Variants in CNTNAP5 observed in about 807,000 individuals in gnomAD.
CNTNAP5 encodes the protein contactin associated protein family member 5.
CNTNAP5 carries 72 observed loss-of-function variants against 150.2 expected under a neutral mutation model. That is an observed-to-expected ratio of 0.48 (90% CI 0.40 to 0.58). The LOEUF is 0.58. Among genes scored for constraint, CNTNAP5 ranks in the 20% least tolerant of loss-of-function variants. CNTNAP5 has a pLI of 0.00. For synonymous variants in CNTNAP5, 672 were observed against 619.8 expected (o/e 1.08, Z -1.25); for missense variants, 1,636 against 1,626.2 (o/e 1.01, Z -0.10).
At chr2:124,841,884 A>G (rs1682951677) in intron 19 of CNTNAP5, among the ~76,000 whole-genome samples, 1 of 152,118 alleles carries the variant, frequency 6.6e-6, no homozygotes, top group African/African-American at 2.4e-5. Flanking sequence ...CAGGTAACAA[A>G]CCACAAATCG....
intron 13 of CNTNAP5, among the ~76,000 whole-genome samples, chr2:124,679,589 G>A (rs540188444): frequency 1.5e-4 from 23 of 150,716 alleles, no homozygotes; most frequent in Admixed American, 2.7e-4. Flanking sequence ...TTTTTGGAGC[G>A]GGGAGTGGGG....
At chr2:124,531,272 G>C (rs892126835) in intron 10 of CNTNAP5, among the ~76,000 whole-genome samples, 1 of 152,134 alleles carries the variant, frequency 6.6e-6, no homozygotes, top group African/African-American at 2.4e-5. Context: ...AGCTTAGGCA[G>C]TAATGTGAGT....
intron 12 of CNTNAP5, among the ~76,000 whole-genome samples, chr2:124,634,904 G>A (rs908199011): frequency 1.3e-5 from 2 of 152,156 alleles, no homozygotes; most frequent in African/African-American, 4.8e-5. Context: ...TCTCTAGGAA[G>A]TTCCAAACTT....
intron 2 of CNTNAP5, among the ~76,000 whole-genome samples, chr2:124,235,057 C>G (rs879848448): frequency 1.4e-4 from 22 of 152,066 alleles, no homozygotes; most frequent in Non-Finnish European, 2.8e-4. Context: ...CAGGGTAAGA[C>G]AGAGGGGAAA....
rs538398196 is a variant in CNTNAP5 at position 124,095,397 on chromosome 2, G to A, written c.82+69665G>A. ...ATTAGGACAAATATCTAATGCATGC[G>A]GGTCTTAAAAGCTAGATGACAGGTT... On this transcript the variant is annotated intron_variant, in intron 1 of 23. Transcript: ENST00000682447. Among the ~76,000 whole-genome samples the A allele has an allele frequency of 5.9e-5, 9 of 152,204 alleles. No individual in the cohort carries two copies. The South Asian group carries it at 8.3e-4, about 14-fold the overall frequency.
At chr2:124,184,800 G>C (rs1486657078) in intron 1 of CNTNAP5, among the ~76,000 whole-genome samples, 1 of 152,116 alleles carries the variant, frequency 6.6e-6, no homozygotes, top group East Asian at 1.9e-4. Context: ...TAGTGCTCCA[G>C]GTTTTACAGG....
At chr2:124,760,249 G>T (rs1680930125) in intron 14 of CNTNAP5, among the ~76,000 whole-genome samples, 2 of 151,828 alleles carry the variant, frequency 1.3e-5, no homozygotes, top group Admixed American at 1.3e-4. Context: ...TTTTCTGTTT[G>T]TCTGCCATAT....
chr2:124,314,699 T>C (rs981234397), intron 3 of CNTNAP5, among the ~76,000 whole-genome samples: 3 of 152,216 alleles, frequency 2.0e-5, no homozygotes, highest in Non-Finnish European at 2.9e-5. Flanking sequence ...AATAATCTCA[T>C]CATTTTTACC....
At chr2:124,175,403 G>A (rs1448288857) in intron 1 of CNTNAP5, among the ~76,000 whole-genome samples, 1 of 151,382 alleles carries the variant, frequency 6.6e-6, no homozygotes, top group Non-Finnish European at 1.5e-5. Flanking sequence ...TAATTTTTTT[G>A]CCAAATAATA....
chr2:124,118,654 T>C (rs371275900), intron 1 of CNTNAP5, among the ~76,000 whole-genome samples: 10 of 152,284 alleles, frequency 6.6e-5, no homozygotes, highest in African/African-American at 2.4e-4. Context: ...TAATGAAAGC[T>C]GCCTGCTACA....
rs71412792 is a variant in CNTNAP5, at chr2:124,702,346, C to CTTTT, written c.2078-44836_2078-44833dup. 1.6e-3 allele frequency among the ~76,000 whole-genome samples: 83 copies of CTTTT among 52,248 alleles called. 23 individuals carry two copies. The highest frequency in any genetic ancestry group is 7.6e-3 in the East Asian group (8 of 1,046). The allele number at this position is 52,248 out of a possible 152,430, so 34.3% of individuals were successfully genotyped here. A position where few individuals can be genotyped will look rare whatever the true frequency, so the allele number is the denominator to read the frequency against. ...ATGTCCTTCTGTGAAACTATGAACA[C>CTTTT]TTTTTTTTTTTTTTTTTTTTTTTTT... On this transcript the variant is annotated intron_variant, in intron 13 of 23. Coordinates refer to ENST00000682447, the MANE Select transcript of CNTNAP5 (RefSeq NM_001367498.1).
chr2:124,194,730 T>A (rs1222697367), intron 1 of CNTNAP5, among the ~76,000 whole-genome samples: 1 of 150,866 alleles, frequency 6.6e-6, no homozygotes, highest in Non-Finnish European at 1.5e-5. Flanking sequence ...TATAACCTTA[T>A]ATATTATAGG....
At chr2:124,609,761 G>C in intron 11 of CNTNAP5, 40 bp from the exon 12 acceptor site, 2 of 1,606,386 alleles carry the variant, frequency 1.2e-6, no homozygotes, top group Middle Eastern at 1.7e-4. Flanking sequence ...GATATGCAGA[G>C]CCAAGCAAAG....
chr2:124,810,299 G>T (rs1016973681), intron 19 of CNTNAP5, among the ~76,000 whole-genome samples: 1 of 152,096 alleles, frequency 6.6e-6, no homozygotes, highest in Non-Finnish European at 1.5e-5. Flanking sequence ...TCAAACTGTT[G>T]TCCTGGGCAA....
chr2:124,179,160 AT>A (rs149942169), intron 1 of CNTNAP5, among the ~76,000 whole-genome samples: 11,498 of 149,930 alleles, frequency 0.077, 611 homozygotes, highest in Non-Finnish European at 0.12. Context: ...TATTATTATT[AT>A]TTTTTTTAAT....
chr2:124,142,945 A>T (rs1684158340), intron 1 of CNTNAP5, among the ~76,000 whole-genome samples: 1 of 135,528 alleles, frequency 7.4e-6, no homozygotes, highest in East Asian at 2.3e-4. Context: ...ACAATAAAAA[A>T]TGATAAAGGG....
chr2:124,810,192 A>C (rs945088143), intron 19 of CNTNAP5, among the ~76,000 whole-genome samples: 1 of 152,200 alleles, frequency 6.6e-6, no homozygotes, highest in Non-Finnish European at 1.5e-5. Flanking sequence ...TTAGCACCTT[A>C]ACGCAACACA....
intron 13 of CNTNAP5, among the ~76,000 whole-genome samples, chr2:124,668,952 C>A (rs1404276302): frequency 6.6e-6 from 1 of 152,208 alleles, no homozygotes; most frequent in African/African-American, 2.4e-5. Context: ...TACTCACTCA[C>A]TCCTCTTCCC....
chr2:124,173,451 A>G (rs1684985147), intron 1 of CNTNAP5, among the ~76,000 whole-genome samples: 1 of 152,234 alleles, frequency 6.6e-6, no homozygotes, highest in African/African-American at 2.4e-5. Context: ...GGAAATTAAA[A>G]GTGCTACCTC....
Sources: allele counts gnomAD v4.1 joint callset (sites outside exome capture counted in the v4.1 genomes callset), GRCh38; gene constraint gnomAD v4.1.1; transcripts MANE v1.5; gene names NCBI Gene and HGNC (gene_info 2026-07-23, HGNC 2026-07-21).